Variants in UGT1A5 observed in about 807,000 individuals in gnomAD.
UGT1A5 encodes UDP glucuronosyltransferase family 1 member A5, also known as UDP-glucuronosyltransferase 1A5.
A neutral mutation model predicts 40.3 loss-of-function variants in UGT1A5; 29 were observed. The ratio of observed to expected loss-of-function variants is 0.72; its 90% CI spans 0.54 to 0.98. The LOEUF is 0.98. Ranked by LOEUF, UGT1A5 falls within the 50% of genes least tolerant of loss-of-function variation. UGT1A5 has a pLI of 0.00. For missense variants in UGT1A5, 678 were observed against 677.9 expected, an observed-to-expected ratio of 1.00 and a Z score of 0.00; for synonymous variants, 257 against 262.5, an observed-to-expected ratio of 0.98 and a Z score of 0.20.
At chr2:233,720,408 G>T (rs886330987) in intron 1 of UGT1A5, among the ~76,000 whole-genome samples, 1 of 152,092 alleles carries the variant, frequency 6.6e-6, no homozygotes, top group African/African-American at 2.4e-5. Context: ...GTGGGTGGAA[G>T]GGACTAGGGA....
rs1698334430 is a variant in UGT1A5 at position 233,763,527 on chromosome 2, C to G, written c.868-3507C>G. 2.6e-5 allele frequency among the ~76,000 whole-genome samples: 4 copies of G among 152,146 alleles called. No individual in the cohort carries two copies. In the South Asian group the frequency reaches 8.3e-4, roughly 31 times the overall value. The stretch of plus-strand genomic sequence containing the variant: ...ATGTTTAGTTGACTTTGCCATTCTC[C>G]TTTTTCCGGATTTCTACTGGTTGGT... On this transcript the variant is annotated intron_variant, in intron 1 of 4. Coordinates refer to ENST00000373414, the MANE Select transcript of UGT1A5 (RefSeq NM_019078.2).
intron 1 of UGT1A5, chr2:233,719,472 C>G: frequency 6.2e-7 from 1 of 1,614,022 alleles, no homozygotes; most frequent in Non-Finnish European, 8.5e-7. Context: ...GCTCTACCCT[C>G]TGGCCCTGTC....
chr2:233,757,296 G>T (rs1428870685), intron 1 of UGT1A5, among the ~76,000 whole-genome samples: 51 of 129,586 alleles, frequency 3.9e-4, no homozygotes, highest in African/African-American at 1.4e-3. Flanking sequence ...ACAGCTGGGG[G>T]TTGGGGGACA....
Position 233,729,529 on chromosome 2 carries a change from G to A in UGT1A5, c.867+15671G>A, listed in dbSNP as rs764609992. 2.5e-6 allele frequency: 4 copies of A among 1,614,202 alleles called. No homozygotes were observed. The South Asian group carries it at 3.3e-5, about 13-fold the overall frequency. On this transcript the variant is annotated intron_variant, in intron 1 of 4. Coordinates refer to ENST00000373414, the MANE Select transcript of UGT1A5 (RefSeq NM_019078.2). ...GTCTTGTGTGGAGCTACTACATAAT[G>A]AGGCCCTGATCAGGCACCTGAATGC...
chr2:233,772,220 C>T (rs1700484860), intron 4 of UGT1A5, 42 bp from the exon 5 acceptor site: 1 of 1,612,710 alleles, frequency 6.2e-7, no homozygotes, highest in Non-Finnish European at 8.5e-7. Flanking sequence ...ATTGTTCATA[C>T]CACAGGTGTT....
At chr2:233,737,798 AC>A (rs2125811044) in intron 1 of UGT1A5, among the ~76,000 whole-genome samples, 1 of 151,388 alleles carries the variant, frequency 6.6e-6, no homozygotes, top group African/African-American at 2.4e-5. Flanking sequence ...TCAAATCTTC[AC>A]TATCATCTCA....
At chr2:233,714,005 A>C in intron 1 of UGT1A5, 147 bp downstream of exon 1, 1 of 1,542,996 alleles carries the variant, frequency 6.5e-7, no homozygotes, top group Non-Finnish European at 8.7e-7. Context: ...CAGTGAGATA[A>C]ACTTTTAAAG....
rs961413232 is a variant in UGT1A5 at position 233,745,610 on chromosome 2, A to G, written c.868-21424A>G. Among the ~76,000 whole-genome samples the G allele has an allele frequency of 4.0e-4, 61 of 151,736 alleles. 2 individuals carry two copies. Among genetic ancestry groups the G allele is most frequent in the African/African-American group, 1.3e-3 (55 of 41,108 alleles). ...GACCCGGACTTGGCACTTGGTAAGCACACAATGAACAGTCATAGAAAGCTG... is the reference window on the plus strand; with the variant it reads ...GACCCGGACTTGGCACTTGGTAAGCGCACAATGAACAGTCATAGAAAGCTG... On this transcript the variant is annotated intron_variant, in intron 1 of 4. Coordinates refer to ENST00000373414, the MANE Select transcript of UGT1A5 (RefSeq NM_019078.2).
intron 1 of UGT1A5, among the ~76,000 whole-genome samples, chr2:233,717,377 A>G (rs1267305224): frequency 6.6e-6 from 1 of 152,110 alleles, no homozygotes; most frequent in Admixed American, 6.5e-5. Flanking sequence ...GCCCTTACAG[A>G]CCTGCCCTCT....
At chr2:233,757,978 G>A (rs979360381) in intron 1 of UGT1A5, among the ~76,000 whole-genome samples, 2 of 152,062 alleles carry the variant, frequency 1.3e-5, no homozygotes, top group Non-Finnish European at 2.9e-5. Context: ...AGCCCCTAGA[G>A]CACCATCCCC....
At chr2:233,730,917 C>G (rs760966477) in intron 1 of UGT1A5, among the ~76,000 whole-genome samples, 3 of 152,138 alleles carry the variant, frequency 2.0e-5, no homozygotes, top group Non-Finnish European at 4.4e-5. Flanking sequence ...ATTTCAGAGG[C>G]AGCTTTCATT....
intron 3 of UGT1A5, 118 bp from the exon 4 acceptor site, chr2:233,768,102 A>T (rs1036317794): frequency 6.3e-7 from 1 of 1,593,190 alleles, no homozygotes; most frequent in African/African-American, 1.3e-5. Context: ...TCTTCTGCAA[A>T]TTTCTGCAAG....
chr2:233,715,999 A>C (rs2076482577), intron 1 of UGT1A5, among the ~76,000 whole-genome samples: 1 of 152,184 alleles, frequency 6.6e-6, no homozygotes, highest in African/African-American at 2.4e-5. Flanking sequence ...ACAAAACCCA[A>C]AATGACTTTA....
chr2:233,743,959 C>G (rs371517697), intron 1 of UGT1A5: 3 of 1,333,990 alleles, frequency 2.2e-6, no homozygotes, highest in Admixed American at 2.0e-5. Flanking sequence ...GCACAGCGAG[C>G]GGCAAGGCTG....
chr2:233,728,275 C>T (rs45459598), intron 1 of UGT1A5, among the ~76,000 whole-genome samples: 67 of 152,164 alleles, frequency 4.4e-4, no homozygotes, highest in Non-Finnish European at 6.9e-4. Context: ...CTGGAGCCTT[C>T]GGCATTCAGA....
Position 233,769,296 on chromosome 2 carries a change from A to G in UGT1A5, c.1307+857A>G, listed in dbSNP as rs1325242362. 6.6e-6 allele frequency among the ~76,000 whole-genome samples: 1 copy of G among 152,258 alleles called. No homozygotes were observed. Among genetic ancestry groups the G allele is most frequent in the African/African-American group, 2.4e-5 (1 of 41,468 alleles). ...GGCAAATGATTTCTGGATTAAAGTT[A>G]GTATATTACTGTCAAGCTCACTGGT... On this transcript the variant is annotated intron_variant, in intron 4 of 4. Transcript: ENST00000373414. This position sits in a 1 kb window ranked among gnomAD's most constrained non-coding sequence, Gnocchi z 4.4.
intron 1 of UGT1A5, chr2:233,755,267 T>C (rs1315366268): frequency 1.1e-5 from 8 of 759,504 alleles, no homozygotes; most frequent in East Asian, 5.3e-5. Flanking sequence ...AGTAGTCCAC[T>C]ATGCTGGACT....
At chr2:233,719,572 A>C in intron 1 of UGT1A5, 1 of 1,613,858 alleles carries the variant, frequency 6.2e-7, no homozygotes, top group South Asian at 1.1e-5. Flanking sequence ...CTTGTCAGCT[A>C]TGCATCCGTG....
At chr2:233,766,541 T>C (rs1699176762) in intron 1 of UGT1A5, among the ~76,000 whole-genome samples, 1 of 152,156 alleles carries the variant, frequency 6.6e-6, no homozygotes, top group Non-Finnish European at 1.5e-5. Context: ...AAAACAAAAA[T>C]GCCTGTCCTC....
Sources: allele counts gnomAD v4.1 joint callset (sites outside exome capture counted in the v4.1 genomes callset), GRCh38; gene constraint gnomAD v4.1.1; non-coding constraint Gnocchi (gnomAD v3.1); transcripts MANE v1.5; gene names NCBI Gene and HGNC (gene_info 2026-07-23, HGNC 2026-07-21).